The following SMTN variants were observed in gnomAD, a reference collection of about 807,000 sequenced individuals.
The protein encoded by SMTN is smoothelin.
A neutral mutation model predicts 102.0 loss-of-function variants in SMTN; 58 were observed. That is an observed-to-expected ratio of 0.57 (90% CI 0.46 to 0.71). The LOEUF is 0.71. Among genes scored for constraint, SMTN ranks in the 30% least tolerant of loss-of-function variants. The pLI, the probability that SMTN is intolerant of heterozygous loss-of-function variation, is 0.00. For missense variants in SMTN, 1,185 were observed against 1,241.7 expected, an observed-to-expected ratio of 0.95 and a Z score of 0.69; for synonymous variants, 478 against 497.9, an observed-to-expected ratio of 0.96 and a Z score of 0.53.
chr22:31,067,079 TTTAC>T (rs1386885027), intron 1 of SMTN: 1 of 151,018 alleles, frequency 6.6e-6, no homozygotes, highest in Non-Finnish European at 1.5e-5. Context: ...TAAGGCAGGA[TTTAC>T]TTATTTATTT....
chr22:31,099,038 C>G, intron 17 of SMTN, 24 bp from the exon 18 acceptor site: 1 of 1,602,872 alleles, frequency 6.2e-7, no homozygotes, highest in Non-Finnish European at 8.5e-7. Flanking sequence ...GTCGTGTGAC[C>G]TGGTCCTGAC....
At position 31,095,658 on chromosome 22, in the gene SMTN, C is replaced by T; in HGVS notation, c.1861+49C>T. ...TAGATCCAGCTGCCCCATTCCCCAGCTGCTCCCCTCATACTCTGGGGTCCA... is the reference window on the plus strand; with the variant it reads ...TAGATCCAGCTGCCCCATTCCCCAGTTGCTCCCCTCATACTCTGGGGTCCA... On this transcript the variant is annotated intron_variant, in intron 13 of 20. Transcript: ENST00000333137. The surrounding 1 kb of genome is among the most constrained non-coding windows in gnomAD (Gnocchi z 4.1). 2 of 1,515,300 alleles carry T rather than the reference C, an allele frequency of 1.3e-6. No homozygotes were observed. The highest frequency in any genetic ancestry group is 4.7e-5 in the East Asian group (2 of 42,802). The allele number at this position is 1,515,300 out of a possible 1,614,324, so 93.9% of individuals were successfully genotyped here.
chr22:31,099,119 C>G lies in SMTN; in HGVS notation c.2391C>G (p.Asn797Lys). 1 of 1,613,332 alleles carries G rather than the reference C, an allele frequency of 6.2e-7. No homozygotes were observed. Among genetic ancestry groups the G allele is most frequent in the Non-Finnish European group, 8.5e-7 (1 of 1,179,960 alleles). Reference protein sequence around the residue: ...VQRSTSFGVPNANSIKQMLLD... With the variant: ...VQRSTSFGVPKANSIKQMLLD... The stretch of plus-strand genomic sequence containing the variant: ...GATCCACCAGCTTCGGGGTCCCCAA[C>G]GCCAACAGCATCAAGCAGATGCTGC... Residue 797 changes from asparagine (N) to lysine (K), a missense_variant, in exon 18 of 21, where the codon AAC becomes AAG. Physicochemically the swap from Asn to Lys is moderately conservative, Grantham distance 94. This residue lies in a region of SMTN where 1,096 missense variants were observed against 1,112.7 expected (regional missense o/e 0.98). Transcript: ENST00000333137.
At chr22:31,068,654 C>A (rs538570849) in intron 1 of SMTN, among the ~76,000 whole-genome samples, 1 of 152,194 alleles carries the variant, frequency 6.6e-6, no homozygotes, top group African/African-American at 2.4e-5. Context: ...TTGTTCCACA[C>A]GTGTGTTGAG....
Position 31,095,614 on chromosome 22 carries a change from A to C in SMTN, c.1861+5A>C, listed in dbSNP as rs570060706. On this transcript the variant is annotated splice_donor_5th_base_variant and intron_variant, in intron 13 of 20. Transcript: ENST00000333137. This position sits in a 1 kb window ranked among gnomAD's most constrained non-coding sequence, Gnocchi z 4.1. ...AGCTCCGACAAAGGAAGAGAGGTAG[A>C]GAGCCAGTTGCCCTACCCTAGATCC... 3.2e-5 allele frequency: 51 copies of C among 1,610,408 alleles called. No individual in the cohort carries two copies. In the South Asian group the frequency reaches 5.2e-4, roughly 16 times the overall value.
At chr22:31,100,748 C>T in intron 19 of SMTN, 137 bp from the exon 20 acceptor site, 1 of 584,520 alleles carries the variant, frequency 1.7e-6, no homozygotes, top group Non-Finnish European at 3.1e-6. Context: ...ACTCATGTCT[C>T]TGTGTGTGTG....
chr22:31,086,249 C>T (rs2042692530), intron 2 of SMTN, among the ~76,000 whole-genome samples: 1 of 152,226 alleles, frequency 6.6e-6, no homozygotes, highest in Non-Finnish European at 1.5e-5. Context: ...GACACACAGA[C>T]CCCAGTAGCA....
At position 31,095,647 on chromosome 22, in the gene SMTN, C is replaced by T; in HGVS notation, c.1861+38C>T. 6.4e-7 allele frequency: 1 copy of T among 1,559,044 alleles called. No individual in the cohort carries two copies. Reference sequence around the variant, plus strand: ...TTGCCCTACCCTAGATCCAGCTGCCCCATTCCCCAGCTGCTCCCCTCATAC... The same window carrying T: ...TTGCCCTACCCTAGATCCAGCTGCCTCATTCCCCAGCTGCTCCCCTCATAC... On this transcript the variant is annotated intron_variant, in intron 13 of 20. Transcript: ENST00000333137. The surrounding 1 kb of genome is among the most constrained non-coding windows in gnomAD (Gnocchi z 4.1).
intron 20 of SMTN, chr22:31,103,216 TC>T (rs1234721720): frequency 6.6e-6 from 1 of 152,162 alleles, no homozygotes; most frequent in East Asian, 1.9e-4. Flanking sequence ...GGTCTTGGGT[TC>T]TCAGGTGTCT....
chr22:31,081,320 A>G lies in SMTN; in HGVS notation c.-217A>G, dbSNP rs1255436699. 2 of 152,270 alleles carry G rather than the reference A, an allele frequency of 1.3e-5. No homozygotes were observed. The highest frequency in any genetic ancestry group is 2.9e-5 in the Non-Finnish European group (2 of 68,098). 9.4% of individuals were successfully genotyped at this position (152,270 alleles called of 1,614,324 possible). On this transcript the variant is annotated 5_prime_UTR_variant, in exon 1 of 21. Transcript: ENST00000333137. ...CGCGGCTGGACGGGCAGCTCTCCGCAGAATCCAGGGGACGGTTGCTGAGCG... is the reference window on the plus strand; with the variant it reads ...CGCGGCTGGACGGGCAGCTCTCCGCGGAATCCAGGGGACGGTTGCTGAGCG...
chr22:31,091,921 C>G, intron 11 of SMTN, 74 bp downstream of exon 11: 1 of 1,342,510 alleles, frequency 7.4e-7, no homozygotes, highest in African/African-American at 1.5e-5. Flanking sequence ...GTAGGGCTAG[C>G]AGGGTTCCTC....
At chr22:31,084,695 C>T (rs574459493) in intron 2 of SMTN, among the ~76,000 whole-genome samples, 1 of 152,388 alleles carries the variant, frequency 6.6e-6, no homozygotes, top group Non-Finnish European at 1.5e-5. Context: ...ACCTCCCTCT[C>T]TTAAGCGAGG....
Position 31,070,556 on chromosome 22 carries a change from T to G in SMTN, c.-386+6369T>G, listed in dbSNP as rs532097099. Among the ~76,000 whole-genome samples the G allele has an allele frequency of 2.3e-3, 350 of 152,310 alleles. 1 individual carries two copies. The Middle Eastern group carries it at 0.034, about 15-fold the overall frequency. ...TTCAACAATTTCTTATCTTCCAGAC[T>G]TGAGCATAATTATCTCCTGAGAGAT... On this transcript the variant is annotated intron_variant, in intron 1 of 3. Transcript: ENST00000422839.
At position 31,088,695 on chromosome 22, in the gene SMTN, A is replaced by C; in HGVS notation, c.295-4A>C. The C allele has an allele frequency of 1.9e-6, 3 of 1,613,868 alleles. No homozygotes were observed. Among genetic ancestry groups the C allele is most frequent in the Non-Finnish European group, 2.5e-6 (3 of 1,179,860 alleles). ...AACACCCGCGACCTGTCTCTTACCCACAGTTGCGAAGCGCTGGTGAGTATG... is the reference window on the plus strand; with the variant it reads ...AACACCCGCGACCTGTCTCTTACCCCCAGTTGCGAAGCGCTGGTGAGTATG... On this transcript the variant is annotated splice_polypyrimidine_tract_variant and splice_region_variant and intron_variant, in intron 4 of 20. Coordinates refer to ENST00000333137, the MANE Select transcript of SMTN (RefSeq NM_134269.3).
chr22:31,070,923 CAAAA>C (rs111579063), intron 1 of SMTN, among the ~76,000 whole-genome samples: 3 of 104,448 alleles, frequency 2.9e-5, no homozygotes, highest in African/African-American at 3.7e-5. Context: ...AACTCTGTCT[CAAAA>C]AAAAAAAAAA....
intron 16 of SMTN, among the ~76,000 whole-genome samples, chr22:31,098,064 G>T (rs1012418251): frequency 6.6e-6 from 1 of 152,158 alleles, no homozygotes; most frequent in Non-Finnish European, 1.5e-5. Flanking sequence ...AGAAAGGAGG[G>T]TACCCCCATG....
rs73408133 is a variant in SMTN at position 31,082,956 on chromosome 22, G to A, written c.-80-223G>A. The A allele has an allele frequency of 8.3e-3, 12,338 of 1,493,914 alleles. 888 individuals carry two copies. The African/African-American group carries it at 0.15, about 18-fold the overall frequency. 92.5% of individuals were successfully genotyped at this position (1,493,914 alleles called of 1,614,324 possible). On this transcript the variant is annotated intron_variant, in intron 1 of 20. Transcript: ENST00000333137. Reference sequence around the variant, plus strand: ...ATCCCAGGCCACACAGCAGACTGGCGGCCAAGCTGGCAGGGCTGGAACCAG... The same window carrying A: ...ATCCCAGGCCACACAGCAGACTGGCAGCCAAGCTGGCAGGGCTGGAACCAG...
At position 31,095,811 on chromosome 22, in the gene SMTN, C is replaced by A; in HGVS notation, c.1861+202C>A. ...TAGCTCCTTCTCTCCCGCTGGTGAC[C>A]CCAGTTATTCTCCCCAACCAGCTTC... On this transcript the variant is annotated intron_variant, in intron 13 of 20. Coordinates refer to ENST00000333137, the MANE Select transcript of SMTN (RefSeq NM_134269.3). This position sits in a 1 kb window ranked among gnomAD's most constrained non-coding sequence, Gnocchi z 4.1. 3 of 596,440 alleles carry A rather than the reference C, an allele frequency of 5.0e-6. No homozygotes were observed. The highest frequency in any genetic ancestry group is 8.9e-6 in the Non-Finnish European group (3 of 336,378). The allele number at this position is 596,440 out of a possible 1,614,324, so 36.9% of individuals were successfully genotyped here. A position where few individuals can be genotyped will look rare whatever the true frequency, so the allele number is the denominator to read the frequency against.
At chr22:31,083,007 GT>G in intron 1 of SMTN, 171 bp from the exon 2 acceptor site, 1 of 1,428,906 alleles carries the variant, frequency 7.0e-7, no homozygotes, top group Non-Finnish European at 9.7e-7. Flanking sequence ...GGTTTGGTGA[GT>G]TTTCCAGCAA....
Sources: allele counts gnomAD v4.1 joint callset (sites outside exome capture counted in the v4.1 genomes callset), GRCh38; gene constraint gnomAD v4.1.1; regional missense constraint gnomAD v4.1.1; non-coding constraint Gnocchi (gnomAD v3.1); transcripts MANE v1.5; gene names NCBI Gene and HGNC (gene_info 2026-07-23, HGNC 2026-07-21).